Variants in ZNF567 observed in about 807,000 individuals in gnomAD.
ZNF567 encodes the protein zinc finger protein 567.
In ZNF567, 36 loss-of-function variants were observed where a neutral mutation model predicts 53.9. The ratio of observed to expected loss-of-function variants is 0.67; its 90% CI spans 0.51 to 0.88. The LOEUF (loss-of-function observed/expected upper bound fraction) is 0.88, where lower values mean the gene tolerates loss of function less well. Ranked by LOEUF, ZNF567 falls within the 40% of genes least tolerant of loss-of-function variation. The pLI, the probability that ZNF567 is intolerant of heterozygous loss-of-function variation, is 0.00. For missense variants in ZNF567, 619 were observed against 764.7 expected, an observed-to-expected ratio of 0.81 and a Z score of 2.25; for synonymous variants, 224 against 260.4, an observed-to-expected ratio of 0.86 and a Z score of 1.35.
the ZNF567 span, among the ~76,000 whole-genome samples, chr19:36,667,207 G>T: frequency 1.3e-5 from 2 of 152,128 alleles, no homozygotes; most frequent in African/African-American, 4.8e-5. Flanking sequence ...TGACGGTGAG[G>T]GTGTAGCGCG....
Position 36,712,517 on chromosome 19 carries a change from G to A in ZNF567, c.136+5G>A, listed in dbSNP as rs2039841932. On this transcript the variant is annotated splice_donor_5th_base_variant and intron_variant, in intron 4 of 5. Transcript: ENST00000682579. ...ATTGCCACCTCATCTCTGTGGGTAAGAAAAATCCTCTTTGAAACTTTAGTA... is the reference window on the plus strand; with the variant it reads ...ATTGCCACCTCATCTCTGTGGGTAAAAAAAATCCTCTTTGAAACTTTAGTA... The A allele has an allele frequency of 6.2e-7, 1 of 1,613,856 alleles. No individual in the cohort carries two copies. The highest frequency in any genetic ancestry group is 1.3e-5 in the African/African-American group (1 of 74,926).
the ZNF567 span, among the ~76,000 whole-genome samples, chr19:36,672,993 G>A: frequency 5.3e-5 from 8 of 152,210 alleles, no homozygotes; most frequent in Admixed American, 2.6e-4. Context: ...TATAATGAAT[G>A]TGTATACAAC....
chr19:36,702,202 A>G (rs1248391360), intron 3 of ZNF567, among the ~76,000 whole-genome samples: 2 of 152,232 alleles, frequency 1.3e-5, no homozygotes, highest in East Asian at 1.9e-4. Context: ...TTGGCTGGAT[A>G]TGAAATTCTG....
At chr19:36,707,599 C>T (rs928794711) in intron 3 of ZNF567, among the ~76,000 whole-genome samples, 2 of 151,874 alleles carry the variant, frequency 1.3e-5, no homozygotes, top group South Asian at 2.1e-4. Context: ...GTTGTTGAAA[C>T]GGAGTTTTAC....
At chr19:36,694,766 CAT>C (rs1292133687) in intron 2 of ZNF567, 34 bp from the exon 3 acceptor site, 6 of 1,136,952 alleles carry the variant, frequency 5.3e-6, no homozygotes, top group Admixed American at 2.8e-5. Flanking sequence ...CATGTGGTCT[CAT>C]GTGGCTTTTT....
At chr19:36,726,857 AG>A (rs769484255), downstream of ZNF567, among the ~76,000 whole-genome samples, 2 of 152,108 alleles carry the variant, frequency 1.3e-5, no homozygotes, top group African/African-American at 2.4e-5. Flanking sequence ...CCATCCTGGC[AG>A]GGAGGTCAGA....
chr19:36,688,417 G>A (rs908788997), intron 1 of ZNF567, among the ~76,000 whole-genome samples: 6 of 151,958 alleles, frequency 3.9e-5, no homozygotes, highest in African/African-American at 1.5e-4. Context: ...ATATATGCCT[G>A]TAGAATTTGA....
At chr19:36,700,545 T>C (rs1487473995) in intron 3 of ZNF567, among the ~76,000 whole-genome samples, 2 of 151,066 alleles carry the variant, frequency 1.3e-5, no homozygotes, top group Non-Finnish European at 3.0e-5. Flanking sequence ...TGTGAATCCA[T>C]CTGGTCCTGG....
At chr19:36,695,276 C>T (rs1313266087) in intron 3 of ZNF567, among the ~76,000 whole-genome samples, 2 of 151,032 alleles carry the variant, frequency 1.3e-5, no homozygotes, top group African/African-American at 4.9e-5. Context: ...CGCCTGTAAT[C>T]CCAGCACTTT....
chr19:36,676,397 CAGTT>C, the ZNF567 span, among the ~76,000 whole-genome samples: 1 of 150,520 alleles, frequency 6.6e-6, no homozygotes. Context: ...GATCACTTAA[CAGTT>C]CGTTCTGAGG....
Position 36,720,661 on chromosome 19 carries a change from T to C in ZNF567, c.1937T>C (p.Met646Thr), listed in dbSNP as rs2040270737. 6.6e-7 allele frequency: 1 copy of C among 1,525,844 alleles called. No individual in the cohort carries two copies. The highest frequency in any genetic ancestry group is 2.2e-5 in the Admixed American group (1 of 45,036). The allele number at this position is 1,525,844 out of a possible 1,614,324, so 94.5% of individuals were successfully genotyped here. The change falls in exon 6 of 6, where the codon ATG (methionine) becomes ACG (threonine). Residue 646 changes from methionine to threonine, a missense_variant. Physicochemically the swap from Met to Thr is moderately conservative, Grantham distance 81. Transcript: ENST00000682579. ...ACTCACAAGGGAGAAAACATTGAAA[T>C]GCAATAAATGATGTGGTTTCTTATA... ...QRTHKGENIE[M>T]Q
chr19:36,719,278 A>AT lies in ZNF567; in HGVS notation c.555dup (p.Gln186SerfsTer9). 6.2e-7 allele frequency: 1 copy of AT among 1,614,108 alleles called. No individual in the cohort carries two copies. The highest frequency in any genetic ancestry group is 8.5e-7 in the Non-Finnish European group (1 of 1,179,998). On this transcript the variant is annotated frameshift_variant, in exon 6 of 6. Transcript: ENST00000682579. LOFTEE classifies it high-confidence loss of function. ...ACTCATCCTGAAGTCAAATCCCATA[A>AT]TCAAAGTGCCAGAGCTTTCAGTCAT...
downstream of ZNF567, among the ~76,000 whole-genome samples, chr19:36,725,755 C>G (rs2040333127): frequency 6.6e-6 from 1 of 152,050 alleles, no homozygotes; most frequent in Non-Finnish European, 1.5e-5. Context: ...TTTAAGCGAT[C>G]CTCCCACCTC....
At position 36,691,478 on chromosome 19, in the gene ZNF567, T is replaced by A. The variant is rs573831253; in HGVS notation, c.-67+1981T>A. On this transcript the variant is annotated intron_variant, in intron 2 of 5. Transcript: ENST00000682579. Reference sequence around the variant, plus strand: ...ACCTTGCCTGGCCTCCAGGATACTTTGTTAGTGACAAAAGCAACCGAATAT... The same window carrying A: ...ACCTTGCCTGGCCTCCAGGATACTTAGTTAGTGACAAAAGCAACCGAATAT... Among the ~76,000 whole-genome samples the A allele has an allele frequency of 2.0e-5, 3 of 152,326 alleles. No individual in the cohort carries two copies. In the South Asian group the frequency reaches 6.2e-4, roughly 32 times the overall value.
At chr19:36,718,153 G>T (rs1021105560) in intron 5 of ZNF567, among the ~76,000 whole-genome samples, 5 of 152,116 alleles carry the variant, frequency 3.3e-5, no homozygotes, top group African/African-American at 1.2e-4. Context: ...GAGGAGGTGG[G>T]TTGAACAGCT....
chr19:36,676,055 CTTTTTT>C, the ZNF567 span, among the ~76,000 whole-genome samples: 26 of 60,614 alleles, frequency 4.3e-4, no homozygotes, highest in African/African-American at 1.6e-3. Context: ...TATTCTACAC[CTTTTTT>C]TTTTTTTTTT....
At chr19:36,716,982 T>A (rs1387526584) in intron 5 of ZNF567, among the ~76,000 whole-genome samples, 1 of 152,118 alleles carries the variant, frequency 6.6e-6, no homozygotes, top group Non-Finnish European at 1.5e-5. Context: ...CATGCCACCA[T>A]GCCCGGCCAG....
intron 5 of ZNF567, among the ~76,000 whole-genome samples, chr19:36,715,217 G>C (rs1468821222): frequency 6.7e-6 from 1 of 150,256 alleles, no homozygotes; most frequent in Non-Finnish European, 1.5e-5. Context: ...CTGGAGTGCA[G>C]TGGTTCAGTC....
chr19:36,721,593 T>A (rs1013843556), downstream of ZNF567, among the ~76,000 whole-genome samples: 1 of 152,118 alleles, frequency 6.6e-6, no homozygotes, highest in African/African-American at 2.4e-5. Context: ...TGGAGGGAAA[T>A]CTTGTAGTTG....
Sources: gnomAD v4.1 joint callset for allele counts (sites outside exome capture counted in the v4.1 genomes callset) on GRCh38, gnomAD v4.1.1 for gene constraint, MANE v1.5 for transcripts, NCBI Gene and HGNC (gene_info 2026-07-23, HGNC 2026-07-21) for gene names.